The following LMTK2 variants were observed in gnomAD, a reference collection of about 807,000 sequenced individuals.
LMTK2 encodes serine/threonine-protein kinase LMTK2.
Under a neutral mutation model 127.5 loss-of-function variants are expected in LMTK2, and 37 were observed. That is an observed-to-expected ratio of 0.29 (90% CI 0.22 to 0.38). The LOEUF is 0.38. Among genes scored for constraint, LMTK2 ranks in the 10% least tolerant of loss-of-function variants. The pLI is 1.00. For synonymous variants in LMTK2, 819 were observed against 810.1 expected (o/e 1.01, Z -0.19); for missense variants, 1,694 against 1,920.3 (o/e 0.88, Z 2.20).
In LMTK2 at chr7:98,204,076, C is replaced by T. The variant is rs773228939; in HGVS notation, c.4373C>T (p.Thr1458Met). 3.4e-5 allele frequency: 55 copies of T among 1,613,792 alleles called. No individual in the cohort carries two copies. The highest frequency in any genetic ancestry group is 4.0e-5 in the Non-Finnish European group (47 of 1,180,062). ...YFSPPPPARS[T>M]EQSWPHSAPY... ...TCTCCGCCGCCACCGGCCCGGAGCA[C>T]GGAGCAGAGCTGGCCGCACTCGGCG... The change falls in exon 13 of 14, where the codon ACG (threonine) becomes ATG (methionine). Residue 1458 changes from threonine (T) to methionine (M), a missense_variant. Coordinates refer to ENST00000297293, the MANE Select transcript of LMTK2 (RefSeq NM_014916.4).
intron 1 of LMTK2, among the ~76,000 whole-genome samples, chr7:98,127,002 C>T (rs1284899368): frequency 6.6e-6 from 1 of 152,166 alleles, no homozygotes; most frequent in African/African-American, 2.4e-5. Flanking sequence ...TTTACTGCCA[C>T]GCTTCATTTC....
intron 1 of LMTK2, among the ~76,000 whole-genome samples, chr7:98,113,001 A>G (rs1490182894): frequency 3.3e-5 from 5 of 152,008 alleles, no homozygotes; most frequent in Non-Finnish European, 7.4e-5. Flanking sequence ...TGTGTCACCT[A>G]CAGACACTTA....
chr7:98,140,162 CTTTTCT>C (rs1562902838), intron 2 of LMTK2, among the ~76,000 whole-genome samples: 943 of 47,582 alleles, frequency 0.02, 268 homozygotes, highest in African/African-American at 0.1. Context: ...CTTTTCTTTT[CTTTTCT>C]TTTCTTTCTT....
chr7:98,111,118 C>T (rs1796196342), intron 1 of LMTK2, among the ~76,000 whole-genome samples: 1 of 152,170 alleles, frequency 6.6e-6, no homozygotes, highest in South Asian at 2.1e-4. Flanking sequence ...TAAATATGCT[C>T]ATTTGAACAG....
intron 3 of LMTK2, among the ~76,000 whole-genome samples, chr7:98,150,346 A>G (rs578136185): frequency 6.6e-6 from 1 of 151,916 alleles, no homozygotes; most frequent in Admixed American, 6.6e-5. Context: ...CTAAAATAAG[A>G]TTGCATACCC....
At position 98,193,795 on chromosome 7, in the gene LMTK2, C is replaced by T; in HGVS notation, c.3330C>T (p.Asp1110=). The change falls in exon 11 of 14, where the codon GAC becomes GAT. Residue 1110 remains aspartate (D), a synonymous_variant. Transcript: ENST00000297293. This position sits in a 1 kb window ranked among gnomAD's most constrained non-coding sequence, Gnocchi z 4.1. ...YRDSAYFSDN[D]SEPEKRSEEV... ...ACTCTGCGTACTTCTCAGACAATGA[C>T]TCTGAGCCCGAGAAAAGGTCTGAGG... The T allele has an allele frequency of 6.2e-7, 1 of 1,614,064 alleles. No homozygotes were observed. The highest frequency in any genetic ancestry group is 8.5e-7 in the Non-Finnish European group (1 of 1,180,018).
intron 6 of LMTK2, among the ~76,000 whole-genome samples, chr7:98,167,735 G>C (rs546113121): frequency 3.9e-5 from 6 of 152,294 alleles, no homozygotes; most frequent in African/African-American, 1.4e-4. Flanking sequence ...CTGTACGTGA[G>C]GCATGGGCTT....
chr7:98,154,810 A>C lies in LMTK2; in HGVS notation c.503A>C (p.Lys168Thr), dbSNP rs1031769418. Residue 168 changes from lysine to threonine, a missense_variant, in exon 5 of 14, where the codon AAG (lysine) becomes ACG (threonine). Physicochemically the swap from Lys to Thr is moderately conservative, Grantham distance 78. Coordinates refer to ENST00000297293, the MANE Select transcript of LMTK2 (RefSeq NM_014916.4). ...ACTAGCGTAGCAAGAGTCATCGTGA[A>C]GGAGTTAAAAGCAAGTGCCAACCCA... ...TGTSVARVIV[K>T]ELKASANPKE... The C allele has an allele frequency of 5.0e-6, 8 of 1,613,932 alleles. No homozygotes were observed. The African/African-American group carries it at 9.3e-5, about 19-fold the overall frequency.
intron 8 of LMTK2, among the ~76,000 whole-genome samples, chr7:98,185,674 G>T (rs1797422255): frequency 6.6e-6 from 1 of 152,088 alleles, no homozygotes; most frequent in Non-Finnish European, 1.5e-5. Context: ...GACTGTCCCA[G>T]CTCCGGGCTG....
chr7:98,128,491 T>G (rs946800096), intron 1 of LMTK2, among the ~76,000 whole-genome samples: 1 of 152,236 alleles, frequency 6.6e-6, no homozygotes, highest in African/African-American at 2.4e-5. Flanking sequence ...AAAGTCAAGT[T>G]CTGCTGTTGA....
In LMTK2 at chr7:98,207,723, TGTC is replaced by T. The variant is rs1255843653; in HGVS notation, c.*2238_*2240del. ...CCAAAGTCATACAGATCATGGAATC[TGTC>T]GTCGTCTTATACAGTGTCAGCCTCG... On this transcript the variant is annotated 3_prime_UTR_variant, in exon 14 of 14. Transcript: ENST00000297293. 1 of 152,200 alleles carries T rather than the reference TGTC, an allele frequency of 6.6e-6. No individual in the cohort carries two copies. Among genetic ancestry groups the T allele is most frequent in the South Asian group, 2.1e-4 (1 of 4,832 alleles). 9.4% of individuals were successfully genotyped at this position (152,200 alleles called of 1,614,324 possible).
chr7:98,193,250 C>A lies in LMTK2; in HGVS notation c.2785C>A (p.Pro929Thr). ...PELGQELHNKPFSEDHHSHRR... is the reference protein window; with the variant it reads ...PELGQELHNKTFSEDHHSHRR... The stretch of plus-strand genomic sequence containing the variant: ...ACTGGGACAGGAATTGCACAATAAA[C>A]CATTTTCGGAAGACCATCACAGTCA... Residue 929 changes from proline to threonine, a missense_variant, in exon 11 of 14, where the codon CCA becomes ACA. This residue lies in a region of LMTK2 where 527 missense variants were observed against 539.8 expected (regional missense o/e 0.98). Coordinates refer to ENST00000297293, the MANE Select transcript of LMTK2 (RefSeq NM_014916.4). This position sits in a 1 kb window ranked among gnomAD's most constrained non-coding sequence, Gnocchi z 4.1. 1 of 1,613,658 alleles carries A rather than the reference C, an allele frequency of 6.2e-7. No homozygotes were observed. Among genetic ancestry groups the A allele is most frequent in the South Asian group, 1.1e-5 (1 of 91,074 alleles).
intron 6 of LMTK2, among the ~76,000 whole-genome samples, chr7:98,166,393 A>T (rs977183378): frequency 4.6e-5 from 7 of 152,270 alleles, no homozygotes; most frequent in African/African-American, 1.4e-4. Context: ...TGTTGTCTGT[A>T]AAAGTTTAAA....
intron 7 of LMTK2, among the ~76,000 whole-genome samples, chr7:98,180,179 G>A (rs1025590101): frequency 1.8e-4 from 28 of 152,174 alleles, no homozygotes; most frequent in Non-Finnish European, 4.1e-4. Context: ...GAATTATATC[G>A]GTGTTAGCCG....
rs1796561265 is a variant in LMTK2 at position 98,133,882 on chromosome 7, G to A, written c.104-3433G>A. On this transcript the variant is annotated intron_variant, in intron 1 of 13. Transcript: ENST00000297293. ...CCTTATCCAGTTCTGTAATAAATAAGTAGTTTGTGATGCTTAAAAAAACAA... is the reference window on the plus strand; with the variant it reads ...CCTTATCCAGTTCTGTAATAAATAAATAGTTTGTGATGCTTAAAAAAACAA... Among the ~76,000 whole-genome samples the A allele has an allele frequency of 1.3e-5, 2 of 152,118 alleles. 1 individual carries two copies. The highest frequency in any genetic ancestry group is 2.9e-5 in the Non-Finnish European group (2 of 68,018).
chr7:98,168,451 T>C (rs1025486394), intron 6 of LMTK2, among the ~76,000 whole-genome samples: 2 of 152,254 alleles, frequency 1.3e-5, no homozygotes, highest in South Asian at 4.1e-4. Context: ...TTCTATTTCA[T>C]TAGCAGAAGC....
intron 7 of LMTK2, among the ~76,000 whole-genome samples, chr7:98,176,801 C>T (rs1339376537): frequency 2.0e-5 from 3 of 152,138 alleles, no homozygotes; most frequent in African/African-American, 4.8e-5. Context: ...GAGCTGAGAT[C>T]GCACCACTGC....
intron 7 of LMTK2, among the ~76,000 whole-genome samples, chr7:98,172,194 G>GC (rs1441190402): frequency 4.6e-5 from 7 of 152,192 alleles, no homozygotes; most frequent in Non-Finnish European, 1.0e-4. Context: ...ATCTGATGAG[G>GC]CCCCCCGCTC....
chr7:98,170,667 T>G (rs1395540709), intron 6 of LMTK2, among the ~76,000 whole-genome samples: 2 of 152,170 alleles, frequency 1.3e-5, no homozygotes, highest in Non-Finnish European at 2.9e-5. Context: ...TAATTTGGAA[T>G]GAAATCATAT....
Sources: allele counts gnomAD v4.1 joint callset (sites outside exome capture counted in the v4.1 genomes callset), GRCh38; gene constraint gnomAD v4.1.1; regional missense constraint gnomAD v4.1.1; non-coding constraint Gnocchi (gnomAD v3.1); transcripts MANE v1.5; gene names NCBI Gene and HGNC (gene_info 2026-07-23, HGNC 2026-07-21).